Variants in FRMD3 observed in about 807,000 individuals in gnomAD.
FRMD3 encodes FERM domain-containing protein 3.
FRMD3 carries 33 observed loss-of-function variants against 70.2 expected under a neutral mutation model. The ratio of observed to expected loss-of-function variants is 0.47; its 90% CI spans 0.36 to 0.63. The LOEUF (loss-of-function observed/expected upper bound fraction) is 0.63, where lower values mean the gene tolerates loss of function less well. Among genes scored for constraint, FRMD3 ranks in the 20% least tolerant of loss-of-function variants. The pLI, the probability that FRMD3 is intolerant of heterozygous loss-of-function variation, is 0.00. For synonymous variants in FRMD3, 279 were observed against 255.9 expected (o/e 1.09, Z -0.86); for missense variants, 632 against 711.4 (o/e 0.89, Z 1.27).
intron 13 of FRMD3, among the ~76,000 whole-genome samples, chr9:83,257,929 T>C (rs1832794935): frequency 1.3e-5 from 2 of 152,256 alleles, no homozygotes; most frequent in South Asian, 2.1e-4. Context: ...CACTCAATAA[T>C]GTTAACTAAT....
intron 12 of FRMD3, among the ~76,000 whole-genome samples, chr9:83,291,014 TA>T (rs890904938): frequency 2.0e-5 from 3 of 151,570 alleles, no homozygotes; most frequent in South Asian, 2.1e-4. Context: ...GGGCGTTTTT[TA>T]AAAAAAAAGA....
intron 1 of FRMD3, among the ~76,000 whole-genome samples, chr9:83,531,855 G>A (rs1829797862): frequency 6.6e-6 from 1 of 152,174 alleles, no homozygotes; most frequent in African/African-American, 2.4e-5. Context: ...ACAACACAGT[G>A]GAGACTGGCA....
the FRMD3 span, among the ~76,000 whole-genome samples, chr9:83,576,792 G>C: frequency 6.6e-6 from 1 of 151,898 alleles, no homozygotes; most frequent in East Asian, 1.9e-4. Flanking sequence ...CACCCAGATT[G>C]GAAATAAGGA....
At chr9:83,324,988 G>C (rs1221758709) in intron 6 of FRMD3, among the ~76,000 whole-genome samples, 2 of 152,166 alleles carry the variant, frequency 1.3e-5, no homozygotes, top group African/African-American at 2.4e-5. Flanking sequence ...ATTTCAAAAT[G>C]ACATGATTTC....
rs897085581 is a variant in FRMD3 at position 83,408,936 on chromosome 9, G to A, written c.148-19228C>T. Among the ~76,000 whole-genome samples, 4 of 152,186 alleles carry A rather than the reference G, an allele frequency of 2.6e-5. No homozygotes were observed. The East Asian group carries it at 7.7e-4, about 29-fold the overall frequency. On this transcript the variant is annotated intron_variant, in intron 1 of 13. Transcript: ENST00000304195. ...TCCCTCCTGAGAAAGAGGCGAGAAG[G>A]AAGAGAGCAGCAACCCTGCCAGAGC...
intron 1 of FRMD3, among the ~76,000 whole-genome samples, chr9:83,480,510 T>TC (rs1828542054): frequency 6.6e-6 from 1 of 151,774 alleles, no homozygotes. Flanking sequence ...TTTTTTTTTT[T>TC]TTGAGATGGA....
intron 1 of FRMD3, among the ~76,000 whole-genome samples, chr9:83,409,377 T>A (rs1826216802): frequency 6.6e-6 from 1 of 152,164 alleles, no homozygotes; most frequent in African/African-American, 2.4e-5. Flanking sequence ...TTTATTAAGC[T>A]CCTAATTGCT....
intron 1 of FRMD3, among the ~76,000 whole-genome samples, chr9:83,514,264 G>A (rs539737669): frequency 2.0e-5 from 3 of 152,262 alleles, no homozygotes; most frequent in East Asian, 1.9e-4. Context: ...TGGAATGCTC[G>A]AGCTTGGTGG....
At chr9:83,480,281 C>G (rs1296490937) in intron 1 of FRMD3, among the ~76,000 whole-genome samples, 1 of 152,096 alleles carries the variant, frequency 6.6e-6, no homozygotes. Context: ...CTAAAACAAC[C>G]TGCAGCATTG....
the FRMD3 span, among the ~76,000 whole-genome samples, chr9:83,553,222 C>T: frequency 6.6e-6 from 1 of 152,140 alleles, no homozygotes; most frequent in Non-Finnish European, 1.5e-5. Context: ...ATTTTTCCTT[C>T]ACATAAGAAG....
intron 1 of FRMD3, among the ~76,000 whole-genome samples, chr9:83,395,770 TAAA>T (rs57159544): frequency 7.1e-6 from 1 of 141,600 alleles, no homozygotes; most frequent in Non-Finnish European, 1.5e-5. Context: ...TTTCTTCAAT[TAAA>T]AAAAAAAAAA....
intron 13 of FRMD3, among the ~76,000 whole-genome samples, chr9:83,253,507 T>A (rs1386411509): frequency 6.6e-6 from 1 of 152,020 alleles, no homozygotes; most frequent in East Asian, 1.9e-4. Flanking sequence ...AACAGACACA[T>A]GAAAAAATGC....
intron 10 of FRMD3, among the ~76,000 whole-genome samples, chr9:83,301,643 C>T (rs528477692): frequency 5.3e-5 from 8 of 152,354 alleles, no homozygotes; most frequent in African/African-American, 1.9e-4. Context: ...GTGAGTCAAC[C>T]TCCTGGCCAC....
intron 3 of FRMD3, among the ~76,000 whole-genome samples, chr9:83,363,806 G>T (rs1048448939): frequency 6.6e-6 from 1 of 152,132 alleles, no homozygotes; most frequent in South Asian, 2.1e-4. Context: ...CGCCCACCTT[G>T]GCCTCCCAAA....
At chr9:83,407,159 T>C (rs1032037977) in intron 1 of FRMD3, among the ~76,000 whole-genome samples, 2 of 152,238 alleles carry the variant, frequency 1.3e-5, no homozygotes, top group Non-Finnish European at 2.9e-5. Flanking sequence ...TTTCTCATGA[T>C]GGTGTAATTC....
At chr9:83,556,483 A>T in the FRMD3 span, among the ~76,000 whole-genome samples, 2 of 152,210 alleles carry the variant, frequency 1.3e-5, no homozygotes, top group South Asian at 2.1e-4. Flanking sequence ...CTTTCAGATG[A>T]ATATAAAATA....
At chr9:83,391,654 T>A (rs1251595852) in intron 1 of FRMD3, among the ~76,000 whole-genome samples, 1 of 152,040 alleles carries the variant, frequency 6.6e-6, no homozygotes, top group African/African-American at 2.4e-5. Flanking sequence ...GCAACCAATA[T>A]ACACCCTCCA....
intron 10 of FRMD3, among the ~76,000 whole-genome samples, chr9:83,302,029 A>T (rs975600764): frequency 1.3e-5 from 2 of 152,198 alleles, no homozygotes; most frequent in South Asian, 4.1e-4. Flanking sequence ...TGAGATTTTT[A>T]ATGAAACGTT....
rs1490529644 is a variant in FRMD3 at position 83,248,374 on chromosome 9, C to T, written c.1338G>A (p.Val446=). The T allele has an allele frequency of 6.2e-7, 1 of 1,614,154 alleles. No homozygotes were observed. Among genetic ancestry groups the T allele is most frequent in the Non-Finnish European group, 8.5e-7 (1 of 1,180,024 alleles). The part of the protein sequence containing the change: ...KEEPLTISEL[V]YNPSASLLPT... ...GGAGCAGGCTGGCACTTGGGTTGTACACTAGTTCAGAGATGGTTAAAGGTT... is the reference window on the plus strand; with the variant it reads ...GGAGCAGGCTGGCACTTGGGTTGTATACTAGTTCAGAGATGGTTAAAGGTT... The change falls in exon 14 of 14, where the codon GTG becomes GTA. Residue 446 remains valine, a synonymous_variant. Transcript: ENST00000304195.
Sources: allele counts gnomAD v4.1 joint callset (sites outside exome capture counted in the v4.1 genomes callset), GRCh38; gene constraint gnomAD v4.1.1; transcripts MANE v1.5; gene names NCBI Gene and HGNC (gene_info 2026-07-23, HGNC 2026-07-21).